LAMA2: variants seen among roughly 807,000 people sequenced by gnomAD.
The protein encoded by LAMA2 is laminin subunit alpha-2.
LAMA2 carries 269 observed loss-of-function variants against 364.8 expected under a neutral mutation model. The ratio of observed to expected loss-of-function variants is 0.74; its 90% confidence interval spans 0.67 to 0.82. The LOEUF is 0.82. Among genes scored for constraint, LAMA2 ranks in the 40% least tolerant of loss-of-function variants. The pLI, the probability that LAMA2 is intolerant of heterozygous loss-of-function variation, is 0.00. For missense variants in LAMA2, 3,807 were observed against 3,873.2 expected (o/e 0.98, Z 0.45); for synonymous variants, 1,379 against 1,370.6 (o/e 1.01, Z -0.14).
At chr6:129,124,336 A>C (rs1291769531) in intron 4 of LAMA2, among the ~76,000 whole-genome samples, 1 of 152,200 alleles carries the variant, frequency 6.6e-6, no homozygotes, top group African/African-American at 2.4e-5. Flanking sequence ...CCTGGGAAGC[A>C]AAGGGTAGGT....
intron 60 of LAMA2, 23 bp downstream of exon 60, chr6:129,503,303 C>T: frequency 6.2e-7 from 1 of 1,603,276 alleles, no homozygotes; most frequent in East Asian, 2.2e-5. Context: ...TGGATATTGG[C>T]AGTACCCTAA....
At chr6:129,338,672 A>C (rs1776088601) in intron 29 of LAMA2, among the ~76,000 whole-genome samples, 1 of 152,210 alleles carries the variant, frequency 6.6e-6, no homozygotes, top group Non-Finnish European at 1.5e-5. Flanking sequence ...AGTCATTCAA[A>C]ATAGTCATCG....
At chr6:128,907,417 T>C (rs1310521997) in intron 1 of LAMA2, among the ~76,000 whole-genome samples, 2 of 151,964 alleles carry the variant, frequency 1.3e-5, no homozygotes, top group Admixed American at 1.3e-4. Context: ...GGGAGTTCAC[T>C]CATGATTTGG....
chr6:129,005,461 G>T (rs1784392277), intron 1 of LAMA2, among the ~76,000 whole-genome samples: 1 of 151,668 alleles, frequency 6.6e-6, no homozygotes. Context: ...AAGAAAACCT[G>T]CTTTTTAAAA....
intron 4 of LAMA2, among the ~76,000 whole-genome samples, chr6:129,139,163 C>T (rs1468026563): frequency 1.3e-5 from 2 of 152,050 alleles, no homozygotes; most frequent in Non-Finnish European, 2.9e-5. Flanking sequence ...CAAAATGTAC[C>T]TATTTACCAT....
intron 12 of LAMA2, among the ~76,000 whole-genome samples, chr6:129,204,842 A>AT (rs1440223120): frequency 6.6e-6 from 1 of 152,240 alleles, no homozygotes; most frequent in Non-Finnish European, 1.5e-5. Context: ...AAAGAAATTG[A>AT]TAACAGAAAG....
intron 34 of LAMA2, among the ~76,000 whole-genome samples, chr6:129,379,924 G>T (rs1334808409): frequency 6.6e-6 from 1 of 152,106 alleles, no homozygotes; most frequent in African/African-American, 2.4e-5. Flanking sequence ...TGGTTTGATT[G>T]TCATTGTATC....
chr6:129,170,458 T>C (rs943201374), intron 9 of LAMA2, among the ~76,000 whole-genome samples: 11 of 123,966 alleles, frequency 8.9e-5, no homozygotes, highest in African/African-American at 5.1e-4. Flanking sequence ...TCAGTTTCCA[T>C]GTAGTTGAGC....
intron 20 of LAMA2, among the ~76,000 whole-genome samples, chr6:129,294,885 T>C (rs980614135): frequency 2.0e-5 from 3 of 151,866 alleles, no homozygotes; most frequent in African/African-American, 7.3e-5. Flanking sequence ...TTTAAAATAA[T>C]TTTTTTTCAA....
intron 3 of LAMA2, among the ~76,000 whole-genome samples, chr6:129,068,550 G>C (rs181310574): frequency 3.2e-4 from 48 of 152,282 alleles, no homozygotes; most frequent in Admixed American, 3.1e-3. Flanking sequence ...TGGGGGCTCT[G>C]TCCTCATGAC....
chr6:129,293,965 A>C (rs1337094747), intron 20 of LAMA2, among the ~76,000 whole-genome samples: 1 of 152,182 alleles, frequency 6.6e-6, no homozygotes, highest in African/African-American at 2.4e-5. Context: ...CAGCTTCTTC[A>C]TCTGTAGTAA....
intron 3 of LAMA2, among the ~76,000 whole-genome samples, chr6:129,078,558 T>A (rs1231214885): frequency 6.6e-6 from 1 of 152,182 alleles, no homozygotes; most frequent in African/African-American, 2.4e-5. Flanking sequence ...TTATCTATTT[T>A]TTTTCTCAAC....
chr6:129,441,002 A>G lies in LAMA2; in HGVS notation c.6268+4A>G, dbSNP rs1562566464. 1.9e-6 allele frequency: 3 copies of G among 1,610,300 alleles called. No homozygotes were observed. The highest frequency in any genetic ancestry group is 2.5e-6 in the Non-Finnish European group (3 of 1,176,620). On this transcript the variant is annotated splice_donor_region_variant and intron_variant, in intron 43 of 64. Transcript: ENST00000421865. ...GTTAAAGATCCTTCCAAGAACAGTA[A>G]GATCTCCTTTTTCATTGTGATGATG...
At chr6:129,363,527 T>C (rs1412660817) in intron 32 of LAMA2, among the ~76,000 whole-genome samples, 3 of 152,188 alleles carry the variant, frequency 2.0e-5, no homozygotes, top group Non-Finnish European at 2.9e-5. Context: ...ATTTCCTAGA[T>C]CTGGGGTAGA....
intron 55 of LAMA2, among the ~76,000 whole-genome samples, chr6:129,484,971 C>T (rs577772406): frequency 6.6e-6 from 1 of 152,022 alleles, no homozygotes; most frequent in African/African-American, 2.4e-5. Flanking sequence ...ATCAAATAGT[C>T]GTAATAAAAA....
Position 129,514,572 on chromosome 6 carries a change from C to G in LAMA2, c.9188C>G (p.Pro3063Arg). The change falls in exon 64 of 65, where the codon CCT becomes CGT. Residue 3063 changes from proline to arginine, a missense_variant. Transcript: ENST00000421865. ...TCTACATCAGCTGACACAAATGACC[C>G]TGTGTTTGTTGGAGGCTTCCCAGGT... The part of the protein sequence containing the change: ...PASTSADTND[P>R]VFVGGFPDDL... The G allele has an allele frequency of 6.2e-7, 1 of 1,613,998 alleles. No individual in the cohort carries two copies.
At chr6:129,223,846 G>C (rs575336453) in intron 12 of LAMA2, among the ~76,000 whole-genome samples, 193 of 152,198 alleles carry the variant, frequency 1.3e-3, no homozygotes, top group African/African-American at 4.5e-3. Context: ...GGTTCCATAT[G>C]AACTTTAAAG....
At chr6:129,179,434 A>T (rs112351258) in intron 10 of LAMA2, among the ~76,000 whole-genome samples, 113 of 152,268 alleles carry the variant, frequency 7.4e-4, no homozygotes, top group Non-Finnish European at 1.3e-3. Context: ...AAGGAAAGGG[A>T]GTAATAAGCG....
intron 1 of LAMA2, among the ~76,000 whole-genome samples, chr6:129,031,318 A>G (rs1247086560): frequency 1.3e-5 from 2 of 152,176 alleles, no homozygotes; most frequent in Non-Finnish European, 2.9e-5. Flanking sequence ...ACTCATTCTA[A>G]TTCTTTACAC....
Sources: gnomAD v4.1 joint callset for allele counts (sites outside exome capture counted in the v4.1 genomes callset) on GRCh38, gnomAD v4.1.1 for gene constraint, MANE v1.5 for transcripts, NCBI Gene and HGNC (gene_info 2026-07-23, HGNC 2026-07-21) for gene names.